CBFA2T2: variants seen among roughly 807,000 people sequenced by gnomAD.
The protein encoded by CBFA2T2 is protein CBFA2T2.
A neutral mutation model predicts 62.2 loss-of-function variants in CBFA2T2; 11 were observed. The observed-to-expected ratio is 0.18, with a 90% CI of 0.11 to 0.29. The LOEUF (loss-of-function observed/expected upper bound fraction) is 0.29. Ranked by LOEUF, CBFA2T2 falls within the 10% of genes least tolerant of loss-of-function variation. CBFA2T2 has a pLI of 1.00. For missense variants in CBFA2T2, 592 were observed against 774.1 expected (o/e 0.76, Z 2.79); for synonymous variants, 295 against 287.5 (o/e 1.03, Z -0.27).
chr20:33,609,143 C>T (rs773303401), intron 2 of CBFA2T2, among the ~76,000 whole-genome samples: 1 of 152,022 alleles, frequency 6.6e-6, no homozygotes, highest in Non-Finnish European at 1.5e-5. Context: ...AAAGTATGCA[C>T]ATATGTATTG....
chr20:33,627,451 A>G (rs910408979), intron 6 of CBFA2T2, among the ~76,000 whole-genome samples: 9 of 152,008 alleles, frequency 5.9e-5, no homozygotes, highest in African/African-American at 2.2e-4. Context: ...GGGGGAAAAA[A>G]CTGGCTTGCT....
intron 6 of CBFA2T2, among the ~76,000 whole-genome samples, chr20:33,626,076 T>C (rs1159703622): frequency 6.6e-6 from 1 of 151,946 alleles, no homozygotes. Flanking sequence ...CACTCCAGCC[T>C]GGGCAACAGA....
chr20:33,514,355 C>T (rs1423139679), intron 1 of CBFA2T2, among the ~76,000 whole-genome samples: 2 of 151,906 alleles, frequency 1.3e-5, no homozygotes, highest in Non-Finnish European at 2.9e-5. Flanking sequence ...ACTGGGATGA[C>T]AGGTGTGTGC....
chr20:33,586,383 C>T (rs2014372196), intron 1 of CBFA2T2, among the ~76,000 whole-genome samples: 1 of 152,116 alleles, frequency 6.6e-6, no homozygotes, highest in South Asian at 2.1e-4. Flanking sequence ...ATCCGCTCGC[C>T]TCAGCCTCCC....
At chr20:33,508,571 T>C (rs185772396) in intron 1 of CBFA2T2, among the ~76,000 whole-genome samples, 1 of 152,214 alleles carries the variant, frequency 6.6e-6, no homozygotes, top group Admixed American at 6.6e-5. Context: ...ATCCTCTCCC[T>C]CCTCCCACCC....
rs377476839 is a variant in CBFA2T2, at chr20:33,578,831, G to T, written c.35-28125G>T. 5.3e-5 allele frequency among the ~76,000 whole-genome samples: 8 copies of T among 152,160 alleles called. No homozygotes were observed. The East Asian group carries it at 9.6e-4, about 18-fold the overall frequency. On this transcript the variant is annotated intron_variant, in intron 1 of 10. Transcript: ENST00000342704. Reference sequence around the variant, plus strand: ...AGCTCAGCCTTCAGGATGAAATACTGCAGGAAATCTGAAGGATGGCATAAA... The same window carrying T: ...AGCTCAGCCTTCAGGATGAAATACTTCAGGAAATCTGAAGGATGGCATAAA...
intron 1 of CBFA2T2, among the ~76,000 whole-genome samples, chr20:33,535,645 ATATT>A (rs1490546295): frequency 4.8e-5 from 7 of 147,152 alleles, no homozygotes; most frequent in Non-Finnish European, 7.5e-5. Context: ...GACCTTTTAA[ATATT>A]TATTTATTTT....
chr20:33,548,206 GGT>G (rs897054105), intron 1 of CBFA2T2, among the ~76,000 whole-genome samples: 3 of 151,496 alleles, frequency 2.0e-5, no homozygotes, highest in African/African-American at 7.3e-5. Flanking sequence ...TTCACCTGTA[GGT>G]TTCCTTTTAT....
chr20:33,526,301 C>T (rs891447929), intron 1 of CBFA2T2, among the ~76,000 whole-genome samples: 2 of 152,112 alleles, frequency 1.3e-5, no homozygotes, highest in Non-Finnish European at 2.9e-5. Flanking sequence ...AGGTGTCTTT[C>T]ATCAGAAACA....
At chr20:33,514,284 G>A (rs985452828) in intron 1 of CBFA2T2, among the ~76,000 whole-genome samples, 7 of 134,468 alleles carry the variant, frequency 5.2e-5, no homozygotes, top group Non-Finnish European at 9.1e-5. Context: ...GTGCGATCTC[G>A]GCTCGCTACA....
At chr20:33,582,532 C>T (rs1025271483) in intron 1 of CBFA2T2, among the ~76,000 whole-genome samples, 14 of 145,446 alleles carry the variant, frequency 9.6e-5, no homozygotes, top group African/African-American at 3.6e-4. Flanking sequence ...TTAGGAATGA[C>T]AGCACAGGCC....
At chr20:33,519,385 G>A (rs976971170) in intron 1 of CBFA2T2, among the ~76,000 whole-genome samples, 3 of 152,076 alleles carry the variant, frequency 2.0e-5, no homozygotes, top group African/African-American at 4.8e-5. Flanking sequence ...CGGGAGAATC[G>A]CTTGAACCCG....
chr20:33,528,035 T>C (rs780819234), intron 1 of CBFA2T2, among the ~76,000 whole-genome samples: 1 of 151,930 alleles, frequency 6.6e-6, no homozygotes, highest in Admixed American at 6.6e-5. Flanking sequence ...GAAGTGTTGG[T>C]TTTTCTTTTC....
chr20:33,558,009 A>G (rs950248274), intron 1 of CBFA2T2, among the ~76,000 whole-genome samples: 6 of 152,032 alleles, frequency 3.9e-5, no homozygotes, highest in Non-Finnish European at 7.4e-5. Flanking sequence ...CTAAATTTTT[A>G]GTAGAGACGG....
chr20:33,564,039 C>T (rs1017078551), intron 1 of CBFA2T2, among the ~76,000 whole-genome samples: 14 of 152,162 alleles, frequency 9.2e-5, no homozygotes, highest in Non-Finnish European at 1.5e-4. Context: ...CCCCACTCCG[C>T]GACCTCCCGC....
At chr20:33,599,655 C>G (rs1358995855) in intron 1 of CBFA2T2, among the ~76,000 whole-genome samples, 1 of 150,960 alleles carries the variant, frequency 6.6e-6, no homozygotes, top group Non-Finnish European at 1.5e-5. Flanking sequence ...ATGGCATGAT[C>G]TTGGCTCACC....
intron 1 of CBFA2T2, among the ~76,000 whole-genome samples, chr20:33,493,400 G>T (rs2011164119): frequency 6.6e-6 from 1 of 152,156 alleles, no homozygotes; most frequent in Admixed American, 6.6e-5. Flanking sequence ...TAACTGGCAT[G>T]CTGGGAAAGA....
At chr20:33,621,311 T>TTTTTTTTTTTTTTTTTTTTTTTG (rs2015967960) in intron 4 of CBFA2T2, among the ~76,000 whole-genome samples, 1 of 104,650 alleles carries the variant, frequency 9.6e-6, no homozygotes, top group Non-Finnish European at 1.9e-5. Flanking sequence ...TTTTTTTTTT[T>TTTTTTTTTTTTTTTTTTTTTTTG]TTGGGGAGAC....
intron 1 of CBFA2T2, among the ~76,000 whole-genome samples, chr20:33,549,256 A>C (rs1420861994): frequency 6.7e-6 from 1 of 150,120 alleles, no homozygotes; most frequent in Non-Finnish European, 1.5e-5. Context: ...TCCATAAAGC[A>C]GATAAAACTG....
Sources: allele counts gnomAD v4.1 joint callset (sites outside exome capture counted in the v4.1 genomes callset), GRCh38; gene constraint gnomAD v4.1.1; transcripts MANE v1.5; gene names NCBI Gene and HGNC (gene_info 2026-07-23, HGNC 2026-07-21).